ZNF488: variants seen among roughly 807,000 people sequenced by gnomAD.
The protein encoded by ZNF488 is zinc finger protein 488.
In ZNF488, 1 loss-of-function variant was observed where a neutral mutation model predicts 1.2. The ratio of observed to expected loss-of-function variants is 0.86; its 90% CI spans 0.30 to 4.07. The LOEUF is 4.07. Ranked by LOEUF, ZNF488 falls within the 30% of genes most tolerant of loss-of-function variation. The probability of loss-of-function intolerance (pLI) is 0.18; values close to 1 mark genes in which losing one functional copy is unlikely to be tolerated. For synonymous variants in ZNF488, 185 were observed against 190.1 expected, an observed-to-expected ratio of 0.97 and a Z score of 0.22; for missense variants, 450 against 437.9, an observed-to-expected ratio of 1.03 and a Z score of -0.25.
chr10:47,379,091 A>G (rs1024519125), intron 1 of ZNF488, among the ~76,000 whole-genome samples: 3 of 138,342 alleles, frequency 2.2e-5, no homozygotes, highest in Non-Finnish European at 4.7e-5. Context: ...AATTGGAAGA[A>G]ACCAGTTCTC....
At chr10:47,370,945 C>A (rs953799983) in intron 1 of ZNF488, among the ~76,000 whole-genome samples, 1 of 152,196 alleles carries the variant, frequency 6.6e-6, no homozygotes, top group East Asian at 1.9e-4. Flanking sequence ...ATGCAGCATG[C>A]GGGCCCTGTG....
intron 1 of ZNF488, among the ~76,000 whole-genome samples, chr10:47,383,781 T>A (rs1555215830): frequency 6.6e-6 from 1 of 151,906 alleles, no homozygotes; most frequent in African/African-American, 2.4e-5. Context: ...CAACACAGGA[T>A]AAACCCCGGG....
At chr10:47,373,582 G>A (rs1837559769) in intron 1 of ZNF488, among the ~76,000 whole-genome samples, 1 of 152,134 alleles carries the variant, frequency 6.6e-6, no homozygotes, top group African/African-American at 2.4e-5. Context: ...CACCTCACCC[G>A]GCCCATGTCA....
chr10:47,369,004 C>G, intron 1 of ZNF488, 67 bp from the exon 2 acceptor site: 1 of 731,652 alleles, frequency 1.4e-6, no homozygotes, highest in East Asian at 2.8e-5. Context: ...GCATCATGAG[C>G]TGGCATCAGA....
chr10:47,369,373 G>A (rs1837377070), intron 1 of ZNF488, among the ~76,000 whole-genome samples: 6 of 152,196 alleles, frequency 3.9e-5, no homozygotes, highest in Admixed American at 3.9e-4. Context: ...AGGAAGCCAT[G>A]CACCCTCAGC....
chr10:47,377,127 G>A (rs1837708327), intron 1 of ZNF488, among the ~76,000 whole-genome samples: 1 of 152,174 alleles, frequency 6.6e-6, no homozygotes, highest in Admixed American at 6.5e-5. Context: ...AGGAAGAGTG[G>A]GGTGGACTGC....
Position 47,367,810 on chromosome 10 carries a change from G to T in ZNF488, c.1020C>A (p.Ser340Arg). ...CAGGTCATTCTGCGGTCACCTGCTAGCTGTGAGAAGTCATGTGCCGGGAGA... is the reference window on the plus strand; with the variant it reads ...CAGGTCATTCTGCGGTCACCTGCTATCTGTGAGAAGTCATGTGCCGGGAGA... ...HHLSRHMTSHS is the reference protein window; with the variant it reads ...HHLSRHMTSHR Residue 340 changes from serine to arginine, a missense_variant, in exon 2 of 2, where the codon AGC (serine) becomes AGA (arginine). By Grantham distance (110) the Ser-to-Arg change is moderately radical. Coordinates refer to ENST00000585316, the MANE Select transcript of ZNF488 (RefSeq NM_153034.4). 1 of 1,608,114 alleles carries T rather than the reference G, an allele frequency of 6.2e-7. No individual in the cohort carries two copies. Among genetic ancestry groups the T allele is most frequent in the Non-Finnish European group, 8.5e-7 (1 of 1,177,310 alleles).
rs782106219 is a variant in ZNF488 at position 47,367,883 on chromosome 10, G to A, written c.947C>T (p.Ala316Val). The A allele has an allele frequency of 3.1e-6, 5 of 1,613,906 alleles. No individual in the cohort carries two copies. The highest frequency in any genetic ancestry group is 4.2e-6 in the Non-Finnish European group (5 of 1,180,046). The stretch of plus-strand genomic sequence containing the variant: ...CTCCTGGCACACAGGGCAGGCAAGG[G>A]CCTCTTCTCTCCGCTTCTGAGAATG... The part of the protein sequence containing the change: ...DPHSQKRREE[A>V]LACPVCQEHF... The change falls in exon 2 of 2, where the codon GCC becomes GTC. Residue 316 changes from alanine (A) to valine (V), a missense_variant. Physicochemically the swap from Ala to Val is moderately conservative, Grantham distance 64 (BLOSUM62 0). Coordinates refer to ENST00000585316, the MANE Select transcript of ZNF488 (RefSeq NM_153034.4).
chr10:47,375,878 G>T (rs1837658566), intron 1 of ZNF488, among the ~76,000 whole-genome samples: 1 of 152,156 alleles, frequency 6.6e-6, no homozygotes, highest in African/African-American at 2.4e-5. Flanking sequence ...GGCCTCCAAA[G>T]GGCAGACAGA....
chr10:47,365,964 G>T lies in ZNF488; in HGVS notation c.*1843C>A, dbSNP rs1555212740. The T allele has an allele frequency of 6.0e-6, 1 of 167,168 alleles. No individual in the cohort carries two copies. The highest frequency in any genetic ancestry group is 2.4e-5 in the African/African-American group (1 of 41,462). 10.4% of individuals were successfully genotyped at this position (167,168 alleles called of 1,614,324 possible). A position where few individuals can be genotyped will look rare whatever the true frequency, so the allele number is the denominator to read the frequency against. On this transcript the variant is annotated 3_prime_UTR_variant, in exon 2 of 2. Coordinates refer to ENST00000585316, the MANE Select transcript of ZNF488 (RefSeq NM_153034.4). ...CCTCATAAGGGCAAGCTCGGCCCAT[G>T]AAGGTAGCAGGTATAGCTTCAGGGA...
intron 1 of ZNF488, among the ~76,000 whole-genome samples, chr10:47,378,678 A>T (rs531606642): frequency 3.9e-4 from 59 of 152,216 alleles, no homozygotes; most frequent in Non-Finnish European, 7.5e-4. Context: ...CCTCTCATGG[A>T]GTGAAAGCAT....
chr10:47,365,765 GA>G lies in ZNF488; in HGVS notation c.*2041del, dbSNP rs1837195189. The G allele has an allele frequency of 1.2e-5, 2 of 167,180 alleles. No individual in the cohort carries two copies. Among genetic ancestry groups the G allele is most frequent in the African/African-American group, 4.8e-5 (2 of 41,478 alleles). 10.4% of individuals were successfully genotyped at this position (167,180 alleles called of 1,614,324 possible). Reference sequence around the variant, plus strand: ...TCTCTAAGGAGCTGACCTGCGAGAAGAAGCCCTGTGGAACCATAGCAGGAGC... The same window carrying G: ...TCTCTAAGGAGCTGACCTGCGAGAAGAGCCCTGTGGAACCATAGCAGGAGC... On this transcript the variant is annotated 3_prime_UTR_variant, in exon 2 of 2. Transcript: ENST00000585316.
chr10:47,375,930 G>A (rs1837661854), intron 1 of ZNF488, among the ~76,000 whole-genome samples: 1 of 152,310 alleles, frequency 6.6e-6, no homozygotes, highest in Non-Finnish European at 1.5e-5. Context: ...ACACGCGAAT[G>A]CCAGGCAGTG....
intron 1 of ZNF488, among the ~76,000 whole-genome samples, chr10:47,373,876 C>T (rs1837572725): frequency 6.6e-6 from 1 of 152,244 alleles, no homozygotes; most frequent in South Asian, 2.1e-4. Flanking sequence ...AGGCCTTGCC[C>T]AGTGTACCCT....
rs193213529 is a variant in ZNF488, at chr10:47,383,838, T to C, written c.-109+382A>G. Among the ~76,000 whole-genome samples, 36 of 151,628 alleles carry C rather than the reference T, an allele frequency of 2.4e-4. No homozygotes were observed. In the East Asian group the frequency reaches 5.4e-3, roughly 23 times the overall value. ...AACAACTGCAGCCTGAAAGTCACCC[T>C]AGGAGAAAAATTCATAGGCAGAATT... On this transcript the variant is annotated intron_variant, in intron 1 of 1. Transcript: ENST00000585316.
intron 1 of ZNF488, among the ~76,000 whole-genome samples, chr10:47,372,230 G>A (rs1837498480): frequency 6.6e-6 from 1 of 152,166 alleles, no homozygotes; most frequent in Admixed American, 6.5e-5. Flanking sequence ...GAATGCATGT[G>A]GAGTTCAGAG....
Position 47,367,846 on chromosome 10 carries a change from C to T in ZNF488, c.984G>A (p.Glu328=), listed in dbSNP as rs1274900647. 1.1e-5 allele frequency: 17 copies of T among 1,613,362 alleles called. No individual in the cohort carries two copies. Among genetic ancestry groups the T allele is most frequent in the South Asian group, 2.2e-5 (2 of 91,062 alleles). Residue 328 remains glutamate, a synonymous_variant, in exon 2 of 2, where the codon GAG becomes GAA. Coordinates refer to ENST00000585316, the MANE Select transcript of ZNF488 (RefSeq NM_153034.4). The part of the protein sequence containing the change: ...ACPVCQEHFR[E]RHHLSRHMTS... ...TCATGTGCCGGGAGAGGTGGTGGCG[C>T]TCCCGGAAGTGCTCCTGGCACACAG... is the stretch of plus-strand genomic sequence containing the variant.
chr10:47,383,869 G>C (rs1318625615), intron 1 of ZNF488, among the ~76,000 whole-genome samples: 1 of 152,000 alleles, frequency 6.6e-6, no homozygotes, highest in Non-Finnish European at 1.5e-5. Flanking sequence ...GAATTCTTGA[G>C]TGCTGAAAAA....
In ZNF488 at chr10:47,367,724, C is replaced by G. The variant is rs1837268411; in HGVS notation, c.*83G>C. 3.4e-6 allele frequency: 5 copies of G among 1,470,132 alleles called. No homozygotes were observed. In the South Asian group the frequency reaches 5.3e-5, roughly 16 times the overall value. The allele number at this position is 1,470,132 out of a possible 1,614,324, so 91.1% of individuals were successfully genotyped here. ...GCAGCAGCTCTGCAAAGGACCATGACAGCCCCCTCAACGCAGGCCCAGGGA... is the reference window on the plus strand; with the variant it reads ...GCAGCAGCTCTGCAAAGGACCATGAGAGCCCCCTCAACGCAGGCCCAGGGA... On this transcript the variant is annotated 3_prime_UTR_variant, in exon 2 of 2. Coordinates refer to ENST00000585316, the MANE Select transcript of ZNF488 (RefSeq NM_153034.4).
Sources: allele counts gnomAD v4.1 joint callset (sites outside exome capture counted in the v4.1 genomes callset), GRCh38; gene constraint gnomAD v4.1.1; transcripts MANE v1.5; gene names NCBI Gene and HGNC (gene_info 2026-07-23, HGNC 2026-07-21).